The following A1CF variants were observed in gnomAD, a reference collection of about 807,000 sequenced individuals.
A1CF encodes APOBEC-1 stimulating protein.
A1CF carries 48 observed loss-of-function variants against 68.9 expected under a neutral mutation model. That is an observed-to-expected ratio of 0.70 (90% CI 0.55 to 0.89). A1CF has a LOEUF of 0.89. Ranked by LOEUF, A1CF falls within the 40% of genes least tolerant of loss-of-function variation. A1CF has a pLI of 0.00. For missense variants in A1CF, 653 were observed against 718.9 expected, an observed-to-expected ratio of 0.91 and a Z score of 1.05; for synonymous variants, 272 against 260.4, an observed-to-expected ratio of 1.04 and a Z score of -0.43.
intron 8 of A1CF, among the ~76,000 whole-genome samples, chr10:50,818,728 T>C (rs1838491397): frequency 6.6e-6 from 1 of 152,226 alleles, no homozygotes; most frequent in Non-Finnish European, 1.5e-5. Context: ...TTTGCAGTTT[T>C]CTTTTTTGTA....
chr10:50,877,111 G>T (rs571499555), intron 1 of A1CF, among the ~76,000 whole-genome samples: 2 of 152,298 alleles, frequency 1.3e-5, no homozygotes, highest in Non-Finnish European at 2.9e-5. Flanking sequence ...ATTATAGAAT[G>T]ACATGGCCTA....
intron 1 of A1CF, among the ~76,000 whole-genome samples, chr10:50,885,027 A>T (rs1029044726): frequency 1.3e-5 from 2 of 152,208 alleles, no homozygotes; most frequent in African/African-American, 4.8e-5. Context: ...AAAAGTGAAT[A>T]GTTTAAACAT....
chr10:50,810,357 T>C (rs1234548822), intron 11 of A1CF, among the ~76,000 whole-genome samples: 1 of 152,140 alleles, frequency 6.6e-6, no homozygotes, highest in African/African-American at 2.4e-5. Flanking sequence ...ATTCAGGAGG[T>C]GATATCCACT....
intron 5 of A1CF, among the ~76,000 whole-genome samples, chr10:50,839,372 C>A (rs968165569): frequency 4.6e-5 from 7 of 152,212 alleles, no homozygotes; most frequent in Admixed American, 1.3e-4. Context: ...ATGGGGGAAA[C>A]TTCCAATTCT....
At chr10:50,854,661 A>G (rs1813585743) in intron 3 of A1CF, among the ~76,000 whole-genome samples, 1 of 151,850 alleles carries the variant, frequency 6.6e-6, no homozygotes, top group Admixed American at 6.6e-5. Flanking sequence ...TTTTCATTTC[A>G]CCCACTTTAT....
At chr10:50,829,530 C>T (rs1180935850) in intron 6 of A1CF, among the ~76,000 whole-genome samples, 1 of 152,100 alleles carries the variant, frequency 6.6e-6, no homozygotes, top group Non-Finnish European at 1.5e-5. Context: ...GTAAAAGCAT[C>T]CGTGGCCCTG....
At chr10:50,835,280 C>T (rs929019463) in intron 6 of A1CF, among the ~76,000 whole-genome samples, 4 of 152,054 alleles carry the variant, frequency 2.6e-5, no homozygotes, top group African/African-American at 9.7e-5. Context: ...ACAAAGGCAA[C>T]ATAAATGTAG....
intron 12 of A1CF, 57 bp from the exon 13 acceptor site, chr10:50,806,937 G>A (rs1293146103): frequency 3.2e-6 from 5 of 1,539,084 alleles, no homozygotes; most frequent in Non-Finnish European, 3.5e-6. Context: ...CTCCCTTTTG[G>A]CTTATTTGTC....
rs183260900 is a variant in A1CF at position 50,806,573 on chromosome 10, T to C, written c.*156A>G. 1.7e-3 allele frequency: 906 copies of C among 542,260 alleles called. 1 individual carries two copies. Among genetic ancestry groups the C allele is most frequent in the Middle Eastern group, 2.1e-3 (4 of 1,884 alleles). The allele number at this position is 542,260 out of a possible 1,614,324, so 33.6% of individuals were successfully genotyped here. A position where few individuals can be genotyped will look rare whatever the true frequency, so the allele number is the denominator to read the frequency against. On this transcript the variant is annotated 3_prime_UTR_variant, in exon 13 of 13. Transcript: ENST00000373997. ...ATTTCAGAATAACGTTCTTACTTCA[T>C]GATTCTATAATTGGTATAAGCTATA...
chr10:50,848,492 T>C (rs764777239), intron 3 of A1CF, among the ~76,000 whole-genome samples: 4 of 152,208 alleles, frequency 2.6e-5, no homozygotes, highest in Non-Finnish European at 4.4e-5. Flanking sequence ...TCACCAATCA[T>C]GGACACCAGA....
At chr10:50,848,352 T>A (rs1348365919) in intron 3 of A1CF, among the ~76,000 whole-genome samples, 1 of 152,210 alleles carries the variant, frequency 6.6e-6, no homozygotes, top group Non-Finnish European at 1.5e-5. Flanking sequence ...AGAATAAAGG[T>A]CCTATCATTC....
rs754139266 is a variant in A1CF, at chr10:50,841,892, G to T, written c.335C>A (p.Ala112Glu). 4 of 1,613,122 alleles carry T rather than the reference G, an allele frequency of 2.5e-6. No individual in the cohort carries two copies. The highest frequency in any genetic ancestry group is 2.2e-5 in the South Asian group (2 of 91,002). ...TFSNKVEAKN[A>E]IKQLNNYEIR... ...TTCATAATTATTAAGTTGCTTGATT[G>T]CATTCTTGGCTTCCACTTTATTTGA... is the stretch of plus-strand genomic sequence containing the variant. The change falls in exon 5 of 13, where the codon GCA (alanine) becomes GAA (glutamate). Residue 112 changes from alanine (A) to glutamate (E), a missense_variant. Coordinates refer to ENST00000373997, the MANE Select transcript of A1CF (RefSeq NM_014576.4).
Position 50,836,203 on chromosome 10 carries a change from C to A in A1CF, c.475G>T (p.Val159Phe), listed in dbSNP as rs767553962. The A allele has an allele frequency of 4.9e-5, 79 of 1,613,882 alleles. No individual in the cohort carries two copies. Among genetic ancestry groups the A allele is most frequent in the East Asian group, 1.6e-4 (7 of 44,872 alleles). ...ATGACATCGACAACACCTTCAGTAA[C>A]CTTTTTCATCTCCGATAAGATTTCT... The part of the protein sequence containing the change: ...REEILSEMKK[V>F]TEGVVDVIVY... The change falls in exon 6 of 13, where the codon GTT becomes TTT. Residue 159 changes from valine (V) to phenylalanine (F), a missense_variant. Val to Phe is a conservative substitution (Grantham distance 50). Coordinates refer to ENST00000373997, the MANE Select transcript of A1CF (RefSeq NM_014576.4).
intron 1 of A1CF, among the ~76,000 whole-genome samples, chr10:50,865,306 T>C (rs1461768777): frequency 6.6e-6 from 1 of 151,944 alleles, no homozygotes; most frequent in Non-Finnish European, 1.5e-5. Flanking sequence ...TTACTACTAC[T>C]ACTACTACTA....
chr10:50,831,818 G>A (rs550421085), intron 6 of A1CF, among the ~76,000 whole-genome samples: 1 of 152,240 alleles, frequency 6.6e-6, no homozygotes, highest in East Asian at 1.9e-4. Context: ...ATGAAAAAAT[G>A]CTTAACATCT....
rs1038290774 is a variant in A1CF, at chr10:50,802,863, C to T, written c.*3866G>A. The T allele has an allele frequency of 2.0e-5, 3 of 152,018 alleles. No homozygotes were observed. Among genetic ancestry groups the T allele is most frequent in the Non-Finnish European group, 4.4e-5 (3 of 68,012 alleles). 9.4% of individuals were successfully genotyped at this position (152,018 alleles called of 1,614,324 possible). A position where few individuals can be genotyped will look rare whatever the true frequency, so the allele number is the denominator to read the frequency against. On this transcript the variant is annotated 3_prime_UTR_variant, in exon 13 of 13. Transcript: ENST00000373997. ...GTCCAAGACAGAATTATAAAACGGTCATTTAGAATATAACAAAAATTAATA... is the reference window on the plus strand; with the variant it reads ...GTCCAAGACAGAATTATAAAACGGTTATTTAGAATATAACAAAAATTAATA...
At chr10:50,835,552 G>T (rs1244084827) in intron 6 of A1CF, among the ~76,000 whole-genome samples, 1 of 152,106 alleles carries the variant, frequency 6.6e-6, no homozygotes, top group Non-Finnish European at 1.5e-5. Flanking sequence ...TCTATCCTGT[G>T]GTTGTAATAA....
intron 2 of A1CF, 110 bp from the exon 3 acceptor site, chr10:50,860,095 G>C (rs1356404142): frequency 4.8e-6 from 3 of 618,964 alleles, no homozygotes; most frequent in South Asian, 4.0e-5. Context: ...CGTCATTAAA[G>C]TTAGAGCAAC....
At chr10:50,859,105 G>A (rs1222835834) in intron 3 of A1CF, among the ~76,000 whole-genome samples, 4 of 152,200 alleles carry the variant, frequency 2.6e-5, no homozygotes, top group African/African-American at 7.2e-5. Context: ...GTATGTGAGT[G>A]AAAGAAAATA....
Sources: gnomAD v4.1 joint callset for allele counts (sites outside exome capture counted in the v4.1 genomes callset) on GRCh38, gnomAD v4.1.1 for gene constraint, MANE v1.5 for transcripts, NCBI Gene and HGNC (gene_info 2026-07-23, HGNC 2026-07-21) for gene names.